The following CCDC172 variants were observed in gnomAD, a reference collection of about 807,000 sequenced individuals.
CCDC172 encodes coiled-coil domain-containing protein 172.
In CCDC172, 30 loss-of-function variants were observed where a neutral mutation model predicts 38.0. The ratio of observed to expected loss-of-function variants is 0.79; its 90% CI spans 0.59 to 1.07. The LOEUF is 1.07. Ranked by LOEUF, CCDC172 falls within the 50% of genes least tolerant of loss-of-function variation. CCDC172 has a pLI of 0.00. For missense variants in CCDC172, 297 were observed against 290.1 expected, an observed-to-expected ratio of 1.02 and a Z score of -0.17; for synonymous variants, 78 against 88.3, an observed-to-expected ratio of 0.88 and a Z score of 0.66.
At chr10:116,368,140 A>G (rs1202267623) in intron 7 of CCDC172, among the ~76,000 whole-genome samples, 1 of 152,054 alleles carries the variant, frequency 6.6e-6, no homozygotes, top group African/African-American at 2.4e-5. Flanking sequence ...GTTAAGTTTG[A>G]TCCCTTAGTT....
At chr10:116,339,778 C>G (rs1844771457) in intron 3 of CCDC172, among the ~76,000 whole-genome samples, 5 of 151,900 alleles carry the variant, frequency 3.3e-5, no homozygotes, top group Admixed American at 3.3e-4. Context: ...CTTAAGCCAA[C>G]CCTTTTGCCT....
In CCDC172 at chr10:116,341,331, A is replaced by C. The variant is rs143241083; in HGVS notation, c.282+481A>C. ...ATACATTTAAAGATATTAAAAATACATATCTGAAGTCAGAACCAACACACT... is the reference window on the plus strand; with the variant it reads ...ATACATTTAAAGATATTAAAAATACCTATCTGAAGTCAGAACCAACACACT... On this transcript the variant is annotated intron_variant, in intron 4 of 8. Coordinates refer to ENST00000333254, the MANE Select transcript of CCDC172 (RefSeq NM_198515.3). Among the ~76,000 whole-genome samples, 486 of 152,202 alleles carry C rather than the reference A, an allele frequency of 3.2e-3. 1 individual carries two copies. Among genetic ancestry groups the C allele is most frequent in the African/African-American group, 0.011 (472 of 41,576 alleles).
chr10:116,359,095 CCTA>C (rs1410227046), intron 7 of CCDC172, among the ~76,000 whole-genome samples: 1 of 152,144 alleles, frequency 6.6e-6, no homozygotes, highest in Non-Finnish European at 1.5e-5. Flanking sequence ...TTTATCAATT[CCTA>C]CTTTTTCATT....
At chr10:116,372,267 AT>A (rs1163335954) in intron 7 of CCDC172, among the ~76,000 whole-genome samples, 1 of 152,104 alleles carries the variant, frequency 6.6e-6, no homozygotes, top group Non-Finnish European at 1.5e-5. Context: ...AAAATTTTGA[AT>A]TAAAAAAATT....
At chr10:116,344,904 T>A (rs1844847419) in intron 5 of CCDC172, among the ~76,000 whole-genome samples, 1 of 151,500 alleles carries the variant, frequency 6.6e-6, no homozygotes, top group African/African-American at 2.4e-5. Flanking sequence ...ACATGCACAT[T>A]AGGCTTACAC....
At chr10:116,369,768 T>C (rs1845164283) in intron 7 of CCDC172, among the ~76,000 whole-genome samples, 1 of 152,024 alleles carries the variant, frequency 6.6e-6, no homozygotes. Flanking sequence ...TGTAGTTTTG[T>C]TGGATCTTGC....
intron 7 of CCDC172, among the ~76,000 whole-genome samples, chr10:116,377,174 A>G (rs7073677): frequency 0.12 from 18,525 of 152,200 alleles, 1,800 homozygotes; most frequent in African/African-American, 0.26. Flanking sequence ...CCTAAAACTT[A>G]AAGTATAATA....
chr10:116,374,587 T>C (rs1313871683), intron 7 of CCDC172, among the ~76,000 whole-genome samples: 1 of 151,602 alleles, frequency 6.6e-6, no homozygotes, highest in African/African-American at 2.4e-5. Context: ...GTAGCCCCCA[T>C]GGATAAAGGG....
At chr10:116,328,116 C>G (rs891238176) in intron 3 of CCDC172, among the ~76,000 whole-genome samples, 6 of 151,960 alleles carry the variant, frequency 3.9e-5, no homozygotes, top group African/African-American at 1.5e-4. Flanking sequence ...TTGGGAAGTA[C>G]AGTATTCATT....
At chr10:116,378,369 A>G in intron 7 of CCDC172, 54 bp from the exon 8 acceptor site, 1 of 1,506,608 alleles carries the variant, frequency 6.6e-7, no homozygotes, top group Non-Finnish European at 8.9e-7. Context: ...TCTGTGCAGT[A>G]ATACAATTAC....
At chr10:116,362,550 T>G (rs1446349709) in intron 7 of CCDC172, among the ~76,000 whole-genome samples, 2 of 152,232 alleles carry the variant, frequency 1.3e-5, no homozygotes, top group African/African-American at 2.4e-5. Flanking sequence ...TAATATGAAT[T>G]GTTACCCAGG....
chr10:116,362,041 C>G (rs1845071456), intron 7 of CCDC172, among the ~76,000 whole-genome samples: 1 of 151,946 alleles, frequency 6.6e-6, no homozygotes, highest in Non-Finnish European at 1.5e-5. Flanking sequence ...ACAAAAAAAA[C>G]TAGCCGGGCG....
At chr10:116,372,642 A>T (rs1845198769) in intron 7 of CCDC172, among the ~76,000 whole-genome samples, 1 of 152,184 alleles carries the variant, frequency 6.6e-6, no homozygotes, top group Non-Finnish European at 1.5e-5. Flanking sequence ...TTCTACAAAA[A>T]TAATGAAATA....
chr10:116,360,230 T>A (rs1662770179), intron 7 of CCDC172, among the ~76,000 whole-genome samples: 1 of 152,188 alleles, frequency 6.6e-6, no homozygotes, highest in Non-Finnish European at 1.5e-5. Context: ...GGTTTTTTCA[T>A]ATAGTGTAGG....
intron 5 of CCDC172, among the ~76,000 whole-genome samples, chr10:116,344,568 G>A (rs1844840266): frequency 6.6e-6 from 1 of 152,188 alleles, no homozygotes. Context: ...GAGTCAGTGA[G>A]TGAATGGTGT....
intron 5 of CCDC172, among the ~76,000 whole-genome samples, chr10:116,351,720 G>A (rs1844933234): frequency 6.6e-6 from 1 of 152,210 alleles, no homozygotes; most frequent in African/African-American, 2.4e-5. Context: ...GGACAAGAGA[G>A]TACAGGACCA....
Position 116,325,317 on chromosome 10 carries a change from AC to A in CCDC172, c.96del (p.Arg33AspfsTer13), listed in dbSNP as rs1451536753. On this transcript the variant is annotated frameshift_variant, in exon 3 of 9. Coordinates refer to ENST00000333254, the MANE Select transcript of CCDC172 (RefSeq NM_198515.3). LOFTEE classifies it high-confidence loss of function. Reference protein sequence around the residue: ...RLMREVRSEITRCREKIKKAT... With the variant: ...RLMREVRSEIXRCREKIKKAT... The stretch of plus-strand genomic sequence containing the variant: ...TTTTATTACAGTAAGGTCGGAAATA[AC>A]CAGATGTCGTGAAAAAATTAAGAAA... The A allele has an allele frequency of 1.2e-6, 2 of 1,613,536 alleles. No individual in the cohort carries two copies. Among genetic ancestry groups the A allele is most frequent in the Admixed American group, 3.3e-5 (2 of 59,950 alleles).
chr10:116,327,096 A>G (rs1844602048), intron 3 of CCDC172, among the ~76,000 whole-genome samples: 1 of 152,152 alleles, frequency 6.6e-6, no homozygotes, highest in Non-Finnish European at 1.5e-5. Context: ...CTTCTCCTGT[A>G]TTAACTCCTT....
intron 3 of CCDC172, among the ~76,000 whole-genome samples, chr10:116,331,395 G>T: frequency 6.6e-6 from 1 of 152,032 alleles, no homozygotes; most frequent in East Asian, 1.9e-4. Context: ...CTGTCTCTAT[G>T]CTGTGTGATA....
Sources: gnomAD v4.1 joint callset for allele counts (sites outside exome capture counted in the v4.1 genomes callset) on GRCh38, gnomAD v4.1.1 for gene constraint, MANE v1.5 for transcripts, NCBI Gene and HGNC (gene_info 2026-07-23, HGNC 2026-07-21) for gene names.